The following DPYD variants were observed in gnomAD, a reference collection of about 807,000 sequenced individuals.
The protein encoded by DPYD is dihydropyrimidine dehydrogenase [NADP(+)].
Under a neutral mutation model 116.2 loss-of-function variants are expected in DPYD, and 109 were observed. The ratio of observed to expected loss-of-function variants is 0.94; its 90% CI spans 0.80 to 1.10. DPYD has a LOEUF of 1.10. DPYD is among the 50% of genes least tolerant of loss of function. The pLI is 0.00. For missense variants in DPYD, 1,302 were observed against 1,254.5 expected (o/e 1.04, Z -0.57); for synonymous variants, 440 against 432.0 (o/e 1.02, Z -0.23).
chr1:97,422,572 G>A (rs1023483198), intron 14 of DPYD, among the ~76,000 whole-genome samples: 3 of 151,956 alleles, frequency 2.0e-5, no homozygotes, highest in African/African-American at 2.4e-5. Flanking sequence ...CTACCTCCAC[G>A]GGCTACTGGG....
intron 11 of DPYD, among the ~76,000 whole-genome samples, chr1:97,562,693 A>G (rs1375201552): frequency 6.6e-6 from 1 of 152,136 alleles, no homozygotes; most frequent in South Asian, 2.1e-4. Flanking sequence ...GTAATTTTCT[A>G]ATTTATACAA....
At chr1:97,468,753 T>A (rs1451444596) in intron 13 of DPYD, among the ~76,000 whole-genome samples, 1 of 151,852 alleles carries the variant, frequency 6.6e-6, no homozygotes, top group Non-Finnish European at 1.5e-5. Flanking sequence ...AATGAAGGAG[T>A]AGATTAAAGA....
At chr1:97,539,308 T>C (rs1247185365) in intron 12 of DPYD, among the ~76,000 whole-genome samples, 5 of 152,114 alleles carry the variant, frequency 3.3e-5, no homozygotes, top group African/African-American at 1.2e-4. Flanking sequence ...CTTTGCATTT[T>C]CCCCTAAATG....
At chr1:97,494,272 C>G (rs1166429593) in intron 13 of DPYD, among the ~76,000 whole-genome samples, 1 of 152,172 alleles carries the variant, frequency 6.6e-6, no homozygotes, top group Non-Finnish European at 1.5e-5. Flanking sequence ...GCATAGCTCA[C>G]TGCATCCTCA....
intron 18 of DPYD, among the ~76,000 whole-genome samples, chr1:97,248,636 A>G (rs1662882820): frequency 6.6e-6 from 1 of 152,216 alleles, no homozygotes. Flanking sequence ...CAGAAAGTGT[A>G]CACAGGAAAA....
intron 8 of DPYD, among the ~76,000 whole-genome samples, chr1:97,603,565 CG>C (rs1292970300): frequency 1.3e-5 from 2 of 152,032 alleles, no homozygotes; most frequent in Non-Finnish European, 2.9e-5. Context: ...ACACACATTC[CG>C]TAGAAGGAAG....
intron 2 of DPYD, among the ~76,000 whole-genome samples, chr1:97,882,260 CT>C (rs1288388063): frequency 6.6e-6 from 1 of 151,940 alleles, no homozygotes; most frequent in Non-Finnish European, 1.5e-5. Flanking sequence ...ACTATGGGAT[CT>C]TTTCATGTAA....
At chr1:97,679,305 C>G (rs937755002) in intron 7 of DPYD, 123 bp from the exon 8 acceptor site, 2 of 570,340 alleles carry the variant, frequency 3.5e-6, no homozygotes, top group Non-Finnish European at 6.3e-6. Context: ...TAAAATGTGA[C>G]AACATTTTTG....
chr1:97,401,674 T>C (rs1673386446), intron 14 of DPYD, among the ~76,000 whole-genome samples: 1 of 152,118 alleles, frequency 6.6e-6, no homozygotes, highest in African/African-American at 2.4e-5. Context: ...ATATTGCCTT[T>C]GGAGTTGTAT....
chr1:97,602,674 T>C (rs1444083423), intron 8 of DPYD, among the ~76,000 whole-genome samples: 1 of 151,956 alleles, frequency 6.6e-6, no homozygotes, highest in Non-Finnish European at 1.5e-5. Flanking sequence ...GGATAAAATA[T>C]CCTTGAGTAT....
chr1:97,121,497 CA>C (rs2101646094), intron 20 of DPYD, among the ~76,000 whole-genome samples: 1 of 152,264 alleles, frequency 6.6e-6, no homozygotes, highest in South Asian at 2.1e-4. Flanking sequence ...CTGTTTTTAA[CA>C]TACTGCAGGT....
At chr1:97,679,770 T>C (rs1053841646) in intron 7 of DPYD, among the ~76,000 whole-genome samples, 1 of 152,096 alleles carries the variant, frequency 6.6e-6, no homozygotes, top group African/African-American at 2.4e-5. Flanking sequence ...AAAGTCACAA[T>C]GCTTGGTCAG....
chr1:97,877,416 C>T (rs923563141), intron 2 of DPYD, among the ~76,000 whole-genome samples: 1 of 151,870 alleles, frequency 6.6e-6, no homozygotes, highest in African/African-American at 2.4e-5. Context: ...CACAGGTTTC[C>T]ACTCTCACAG....
intron 15 of DPYD, among the ~76,000 whole-genome samples, chr1:97,373,947 T>C (rs1318388298): frequency 6.6e-6 from 1 of 152,194 alleles, no homozygotes; most frequent in Non-Finnish European, 1.5e-5. Context: ...GCTACCAAGT[T>C]TACAGGCATG....
At chr1:97,773,043 G>A (rs1666223213) in intron 3 of DPYD, among the ~76,000 whole-genome samples, 1 of 152,026 alleles carries the variant, frequency 6.6e-6, no homozygotes, top group African/African-American at 2.4e-5. Flanking sequence ...AATTTGTTTT[G>A]AACTAACTTT....
At chr1:97,164,431 A>G (rs1383675688) in intron 20 of DPYD, among the ~76,000 whole-genome samples, 1 of 152,154 alleles carries the variant, frequency 6.6e-6, no homozygotes, top group African/African-American at 2.4e-5. Context: ...GGCCAGAGCA[A>G]TTAGGCAAGA....
intron 13 of DPYD, among the ~76,000 whole-genome samples, chr1:97,481,218 C>T (rs879408354): frequency 1.3e-5 from 2 of 152,008 alleles, no homozygotes; most frequent in Non-Finnish European, 2.9e-5. Flanking sequence ...CACATGTGAA[C>T]GAACCATGAG....
chr1:97,384,260 A>AC (rs1186409413), intron 14 of DPYD, among the ~76,000 whole-genome samples: 2,162 of 150,090 alleles, frequency 0.014, 29 homozygotes, highest in Non-Finnish European at 0.021. Context: ...AAAAAAAAAA[A>AC]AGATATGCTG....
intron 20 of DPYD, among the ~76,000 whole-genome samples, chr1:97,132,016 A>G (rs746132880): frequency 9.9e-5 from 15 of 152,166 alleles, no homozygotes; most frequent in Non-Finnish European, 2.2e-4. Flanking sequence ...CCAATTACTG[A>G]GCTATTAAAA....
Sources: gnomAD v4.1 joint callset for allele counts (sites outside exome capture counted in the v4.1 genomes callset) on GRCh38, gnomAD v4.1.1 for gene constraint, MANE v1.5 for transcripts, NCBI Gene and HGNC (gene_info 2026-07-23, HGNC 2026-07-21) for gene names.